LONRF1: variants seen among roughly 807,000 people sequenced by gnomAD.
LONRF1 encodes the protein LON peptidase N-terminal domain and ring finger 1.
LONRF1 carries 37 observed loss-of-function variants against 85.8 expected under a neutral mutation model. The observed-to-expected ratio is 0.43, with a 90% CI of 0.33 to 0.57. The LOEUF (loss-of-function observed/expected upper bound fraction) is 0.57. LONRF1 is among the 20% of genes least tolerant of loss of function. The pLI is 0.04. For synonymous variants in LONRF1, 517 were observed against 390.1 expected (o/e 1.33, Z -3.83); for missense variants, 1,036 against 978.0 (o/e 1.06, Z -0.79).
intron 1 of LONRF1, among the ~76,000 whole-genome samples, chr8:12,749,054 A>G (rs551396528): frequency 6.6e-6 from 1 of 152,212 alleles, no homozygotes; most frequent in South Asian, 2.1e-4. Flanking sequence ...CCTACATTTT[A>G]TAACTGCTGT....
rs1037451002 is a variant in LONRF1 at position 12,731,641 on chromosome 8, G to A, written c.1688+95C>T. On this transcript the variant is annotated intron_variant, in intron 8 of 11. Transcript: ENST00000398246. ...CAGACCAATACTTCTTGACTAGACT[G>A]AGATGAACTAAAGACAGGATCCAGC... 7.7e-6 allele frequency: 8 copies of A among 1,034,048 alleles called. No homozygotes were observed. The African/African-American group carries it at 1.3e-4, about 17-fold the overall frequency. 64.1% of individuals were successfully genotyped at this position (1,034,048 alleles called of 1,614,324 possible). A position where few individuals can be genotyped will look rare whatever the true frequency, so the allele number is the denominator to read the frequency against.
chr8:12,731,846 A>G lies in LONRF1; in HGVS notation c.1578T>C (p.Asp526=). 4 of 1,611,440 alleles carry G rather than the reference A, an allele frequency of 2.5e-6. No homozygotes were observed. Among genetic ancestry groups the G allele is most frequent in the Non-Finnish European group, 3.4e-6 (4 of 1,178,724 alleles). ...CKESLKEYLA[D]RRYCVTQLLE... ...ACAGCTGTGTGACACAGTACCTCCT[A>G]TCTGCTAGATACTAAAAGACAATAT... Residue 526 remains aspartate (D), a synonymous_variant, in exon 8 of 12, where the codon GAT becomes GAC. Coordinates refer to ENST00000398246, the MANE Select transcript of LONRF1 (RefSeq NM_152271.5).
rs73665641 is a variant in LONRF1 at position 12,729,511 on chromosome 8, G to A, written c.1689-179C>T. The A allele has an allele frequency of 2.1e-3, 1,209 of 563,854 alleles. 10 individuals are homozygous for A. Among genetic ancestry groups the A allele is most frequent in the African/African-American group, 0.02 (1,074 of 52,928 alleles). The allele number at this position is 563,854 out of a possible 1,614,324, so 34.9% of individuals were successfully genotyped here. ...CAAGAATCAGCACCCCGTTCACTAAGCTCACACTGATGAAATATTAATACT... is the reference window on the plus strand; with the variant it reads ...CAAGAATCAGCACCCCGTTCACTAAACTCACACTGATGAAATATTAATACT... On this transcript the variant is annotated intron_variant, in intron 8 of 11. Coordinates refer to ENST00000398246, the MANE Select transcript of LONRF1 (RefSeq NM_152271.5).
chr8:12,755,444 G>A lies in LONRF1; in HGVS notation c.-24C>T, dbSNP rs1799607996. 2.5e-5 allele frequency: 28 copies of A among 1,107,494 alleles called. No homozygotes were observed. In the South Asian group the frequency reaches 6.0e-4, roughly 24 times the overall value. The allele number at this position is 1,107,494 out of a possible 1,614,324, so 68.6% of individuals were successfully genotyped here. A position where few individuals can be genotyped will look rare whatever the true frequency, so the allele number is the denominator to read the frequency against. On this transcript the variant is annotated 5_prime_UTR_variant, in exon 1 of 12. Transcript: ENST00000398246. ...ATGGCCCGCGGAGGGCTGCGCCGCC[G>A]CCGCCCGCCGCCACGGTCCCGGAGC...
intron 1 of LONRF1, among the ~76,000 whole-genome samples, chr8:12,750,738 T>C (rs1351784509): frequency 4.6e-5 from 7 of 152,228 alleles, no homozygotes; most frequent in South Asian, 4.1e-4. Context: ...CTATAGTTTA[T>C]TGATGAATGC....
chr8:12,751,294 A>ATGTTTTTTTTTTGTTTGTT (rs1554469320), intron 1 of LONRF1, among the ~76,000 whole-genome samples: 52 of 84,820 alleles, frequency 6.1e-4, no homozygotes, highest in Admixed American at 1.0e-3. Flanking sequence ...TTTTATTTTT[A>ATGTTTTTTTTTTGTTTGTT]TGTTTTTTTT....
intron 1 of LONRF1, 119 bp downstream of exon 1, chr8:12,754,581 G>T: frequency 1.7e-6 from 2 of 1,155,312 alleles, no homozygotes; most frequent in Non-Finnish European, 2.2e-6. Flanking sequence ...CACGCCAGCG[G>T]CCCAGCGGCC....
chr8:12,743,032 A>G lies in LONRF1; in HGVS notation c.840+132T>C, dbSNP rs79675671. The G allele has an allele frequency of 9.2e-3, 6,152 of 667,278 alleles. 35 individuals are homozygous for G. The highest frequency in any genetic ancestry group is 0.013 in the Non-Finnish European group (4,927 of 373,988). The allele number at this position is 667,278 out of a possible 1,614,324, so 41.3% of individuals were successfully genotyped here. The stretch of plus-strand genomic sequence containing the variant: ...TGAGCCATTGCACCTAGGTGAACCT[A>G]TATTTCTAGAGCACTAGATATTTTA... On this transcript the variant is annotated intron_variant, in intron 2 of 11. Transcript: ENST00000398246.
rs181736671 is a variant in LONRF1 at position 12,745,272 on chromosome 8, T to C, written c.722-1990A>G. ...TTGTTCCCTAACTCCTTGTATGTAATGCTCTTATTGAAAATGTTAACCGAT... is the reference window on the plus strand; with the variant it reads ...TTGTTCCCTAACTCCTTGTATGTAACGCTCTTATTGAAAATGTTAACCGAT... On this transcript the variant is annotated intron_variant, in intron 1 of 11. Transcript: ENST00000398246. Among the ~76,000 whole-genome samples the C allele has an allele frequency of 2.7e-5, 4 of 150,582 alleles. No individual in the cohort carries two copies. The East Asian group carries it at 5.8e-4, about 22-fold the overall frequency.
Position 12,735,092 on chromosome 8 carries a change from T to G in LONRF1, c.1566+194A>C, listed in dbSNP as rs1678933527. ...GGGGGTTGGTCTTCAGCATCTGTCT[T>G]CTTTCTCCCCATCCTCTTCAACCTC... On this transcript the variant is annotated intron_variant, in intron 7 of 11. Transcript: ENST00000398246. 2.0e-5 allele frequency among the ~76,000 whole-genome samples: 3 copies of G among 152,170 alleles called. No individual in the cohort carries two copies. The South Asian group carries it at 6.2e-4, about 31-fold the overall frequency.
chr8:12,734,439 C>G (rs6530959), intron 7 of LONRF1, among the ~76,000 whole-genome samples: 2 of 152,132 alleles, frequency 1.3e-5, no homozygotes, highest in Non-Finnish European at 2.9e-5. Flanking sequence ...CTGTCAATCA[C>G]CAGAGACAGA....
chr8:12,752,968 G>C (rs1799469361), intron 1 of LONRF1: 1 of 152,264 alleles, frequency 6.6e-6, no homozygotes, highest in Non-Finnish European at 1.5e-5. Context: ...AGTTAACAGT[G>C]TGACGGTGTG....
rs1015093494 is a variant in LONRF1, at chr8:12,722,086, G to C, written c.*1010C>G. On this transcript the variant is annotated 3_prime_UTR_variant, in exon 12 of 12. Transcript: ENST00000398246. ...CATGTTGCAGCATGGTGATCTAACT[G>C]TGATATGAATAAGGCATAACTAACA... The C allele has an allele frequency of 5.9e-5, 9 of 152,534 alleles. No individual in the cohort carries two copies. The highest frequency in any genetic ancestry group is 1.0e-4 in the Non-Finnish European group (7 of 68,024). The allele number at this position is 152,534 out of a possible 1,614,324, so 9.4% of individuals were successfully genotyped here.
In LONRF1 at chr8:12,747,038, T is replaced by G. The variant is rs17118286; in HGVS notation, c.722-3756A>C. Reference sequence around the variant, plus strand: ...AAGATGTTTGAACTCCCTCCGTTATTTCCTGCCTTTTATCCTCAGATCCTG... The same window carrying G: ...AAGATGTTTGAACTCCCTCCGTTATGTCCTGCCTTTTATCCTCAGATCCTG... On this transcript the variant is annotated intron_variant, in intron 1 of 11. Coordinates refer to ENST00000398246, the MANE Select transcript of LONRF1 (RefSeq NM_152271.5). 1.6e-3 allele frequency among the ~76,000 whole-genome samples: 251 copies of G among 152,336 alleles called. 5 individuals are homozygous for G. In the East Asian group the frequency reaches 0.042, roughly 26 times the overall value.
At chr8:12,735,179 T>C (rs1329880279) in intron 7 of LONRF1, 107 bp downstream of exon 7, 27 of 711,192 alleles carry the variant, frequency 3.8e-5, no homozygotes, top group Non-Finnish European at 5.3e-5. Flanking sequence ...ACTCAGAATA[T>C]AGAATGTAAT....
At chr8:12,724,963 T>A (rs1311418519) in intron 11 of LONRF1, among the ~76,000 whole-genome samples, 3 of 152,230 alleles carry the variant, frequency 2.0e-5, no homozygotes, top group Non-Finnish European at 2.9e-5. Flanking sequence ...TATCTCTCCA[T>A]CTTCACATAT....
Position 12,743,371 on chromosome 8 carries a change from C to T in LONRF1, c.722-89G>A, listed in dbSNP as rs1799016841. 1.5e-5 allele frequency: 13 copies of T among 842,764 alleles called. No homozygotes were observed. In the South Asian group the frequency reaches 2.0e-4, roughly 13 times the overall value. 52.2% of individuals were successfully genotyped at this position (842,764 alleles called of 1,614,324 possible). On this transcript the variant is annotated intron_variant, in intron 1 of 11. Transcript: ENST00000398246. Reference sequence around the variant, plus strand: ...ATGATCATACCAGATTAAGAAATGACTTAGTGATTCCAGGGTTAATAATCA... The same window carrying T: ...ATGATCATACCAGATTAAGAAATGATTTAGTGATTCCAGGGTTAATAATCA...
In LONRF1 at chr8:12,743,158, T is replaced by C. The variant is rs762998625; in HGVS notation, c.840+6A>G. ...AATTTATGCAAACATAAAACAGTAA[T>C]TTTACCTCAGGCCAATCTGGAAGTT... On this transcript the variant is annotated splice_donor_region_variant and intron_variant, in intron 2 of 11. Coordinates refer to ENST00000398246, the MANE Select transcript of LONRF1 (RefSeq NM_152271.5). The C allele has an allele frequency of 7.0e-6, 11 of 1,571,610 alleles. No homozygotes were observed. The South Asian group carries it at 1.0e-4, about 14-fold the overall frequency.
intron 8 of LONRF1, among the ~76,000 whole-genome samples, chr8:12,730,329 G>A (rs576461058): frequency 6.6e-6 from 1 of 152,264 alleles, no homozygotes; most frequent in Non-Finnish European, 1.5e-5. Flanking sequence ...TTCAAGTTTG[G>A]AAATATGTAT....
Sources: allele counts gnomAD v4.1 joint callset (sites outside exome capture counted in the v4.1 genomes callset), GRCh38; gene constraint gnomAD v4.1.1; transcripts MANE v1.5; gene names NCBI Gene and HGNC (gene_info 2026-07-23, HGNC 2026-07-21).